Variants in HELZ observed in about 807,000 individuals in gnomAD.
HELZ encodes helicase with zinc finger.
In HELZ, 23 loss-of-function variants were observed where a neutral mutation model predicts 218.2. That is an observed-to-expected ratio of 0.11 (90% CI 0.08 to 0.15). The LOEUF (loss-of-function observed/expected upper bound fraction) is 0.15, where lower values mean the gene tolerates loss of function less well. Ranked by LOEUF, HELZ falls within the 10% of genes least tolerant of loss-of-function variation. HELZ has a pLI of 1.00. For synonymous variants in HELZ, 814 were observed against 829.4 expected, an observed-to-expected ratio of 0.98 and a Z score of 0.32; for missense variants, 1,813 against 2,353.7, an observed-to-expected ratio of 0.77 and a Z score of 4.75.
chr17:67,136,253 T>C (rs2038146121), intron 22 of HELZ, 55 bp from the exon 23 acceptor site: 5 of 1,156,502 alleles, frequency 4.3e-6, no homozygotes, highest in East Asian at 4.7e-5. Flanking sequence ...GAACCACTGA[T>C]ATAATAAAAG....
intron 23 of HELZ, among the ~76,000 whole-genome samples, chr17:67,131,727 T>C (rs937447218): frequency 6.6e-6 from 1 of 152,128 alleles, no homozygotes; most frequent in Non-Finnish European, 1.5e-5. Context: ...AGCACTACTA[T>C]TATTATTATT....
chr17:67,213,076 G>A (rs761779049), intron 5 of HELZ, among the ~76,000 whole-genome samples: 1 of 152,152 alleles, frequency 6.6e-6, no homozygotes, highest in Non-Finnish European at 1.5e-5. Context: ...TGCTCCTTCA[G>A]CATTTACTTT....
At chr17:67,245,315 T>A, upstream of HELZ, 1 of 790,324 alleles carries the variant, frequency 1.3e-6, no homozygotes, top group Non-Finnish European at 1.5e-6. Context: ...TTGCCCCGGG[T>A]GGACTGCCGA....
At chr17:67,242,525 CACACATATATGTATATATACACACATAT>C (rs2041349214) in intron 2 of HELZ, among the ~76,000 whole-genome samples, 1 of 1,476 alleles carries the variant, frequency 6.8e-4, no homozygotes, top group Non-Finnish European at 1.4e-3. Context: ...TGTATATATA[CACACATATATGTATATATACACACATAT>C]ATGTATATAT....
intron 17 of HELZ, among the ~76,000 whole-genome samples, chr17:67,159,904 A>C (rs1461142193): frequency 6.6e-6 from 1 of 152,168 alleles, no homozygotes; most frequent in Non-Finnish European, 1.5e-5. Context: ...TGCATGACTA[A>C]TCTGCCATGC....
chr17:67,221,894 G>A (rs1267975551), intron 3 of HELZ, among the ~76,000 whole-genome samples: 1 of 151,208 alleles, frequency 6.6e-6, no homozygotes, highest in East Asian at 1.9e-4. Context: ...CCCATGCTGG[G>A]AGTGTAGTCG....
chr17:67,169,656 T>C (rs1288568672), intron 13 of HELZ, among the ~76,000 whole-genome samples: 2 of 152,186 alleles, frequency 1.3e-5, no homozygotes, highest in South Asian at 2.1e-4. Flanking sequence ...TCCAAATGCA[T>C]GTTCTTCTCA....
chr17:67,138,298 T>G (rs932535431), intron 21 of HELZ, among the ~76,000 whole-genome samples, 184 bp from the exon 22 acceptor site: 1 of 152,036 alleles, frequency 6.6e-6, no homozygotes, highest in Non-Finnish European at 1.5e-5. Flanking sequence ...ATATAAATTT[T>G]TCATTTACAT....
chr17:67,112,442 C>A (rs1440682430), intron 28 of HELZ, among the ~76,000 whole-genome samples: 1 of 152,196 alleles, frequency 6.6e-6, no homozygotes, highest in Non-Finnish European at 1.5e-5. Context: ...TCCTGACATG[C>A]CACTCGTTCT....
intron 31 of HELZ, among the ~76,000 whole-genome samples, chr17:67,104,933 A>G (rs1053757593): frequency 6.6e-6 from 1 of 152,164 alleles, no homozygotes; most frequent in Non-Finnish European, 1.5e-5. Flanking sequence ...AGCCTGGCCA[A>G]TATCGTGAAA....
chr17:67,235,984 T>C (rs186541739), intron 3 of HELZ, among the ~76,000 whole-genome samples: 5 of 152,056 alleles, frequency 3.3e-5, no homozygotes, highest in South Asian at 2.1e-4. Context: ...ATGGTCTCGA[T>C]CTCCTGACCT....
intron 3 of HELZ, chr17:67,225,497 C>A (rs565495080): frequency 1.3e-5 from 2 of 153,426 alleles, no homozygotes; most frequent in Admixed American, 1.3e-4. Context: ...GAAATATCAC[C>A]TTTTAATTCT....
At chr17:67,160,141 C>T (rs1470710663) in intron 17 of HELZ, 120 bp downstream of exon 17, 1 of 650,444 alleles carries the variant, frequency 1.5e-6, no homozygotes, top group Non-Finnish European at 2.7e-6. Flanking sequence ...AAGACATAAC[C>T]TCTAAATGTC....
At chr17:67,238,793 C>T (rs750123294) in intron 3 of HELZ, among the ~76,000 whole-genome samples, 2 of 152,102 alleles carry the variant, frequency 1.3e-5, no homozygotes, top group African/African-American at 2.4e-5. Context: ...TAATGAAAGA[C>T]GAAGACACCA....
chr17:67,121,885 T>G (rs2037620908), intron 26 of HELZ, among the ~76,000 whole-genome samples: 1 of 152,212 alleles, frequency 6.6e-6, no homozygotes. Flanking sequence ...TCCAAGCCTG[T>G]GTCCTGTATT....
At chr17:67,204,776 C>A (rs550617805) in intron 5 of HELZ, among the ~76,000 whole-genome samples, 3 of 152,016 alleles carry the variant, frequency 2.0e-5, no homozygotes, top group African/African-American at 7.3e-5. Context: ...TCAACAGTCA[C>A]TAGATAATTC....
Position 67,200,954 on chromosome 17 carries a change from A to T in HELZ, c.429+175T>A, listed in dbSNP as rs2040152860. On this transcript the variant is annotated intron_variant, in intron 7 of 32. Transcript: ENST00000358691. ...AGACATGTGGAGAAGCAGCATTCCC[A>T]CGATGGGACTGTGGGTTATGGGGGT... 4 of 602,874 alleles carry T rather than the reference A, an allele frequency of 6.6e-6. No homozygotes were observed. In the East Asian group the frequency reaches 1.1e-4, roughly 16 times the overall value. The allele number at this position is 602,874 out of a possible 1,614,324, so 37.3% of individuals were successfully genotyped here. A position where few individuals can be genotyped will look rare whatever the true frequency, so the allele number is the denominator to read the frequency against.
At chr17:67,164,515 C>G (rs1485484253) in intron 15 of HELZ, among the ~76,000 whole-genome samples, 1 of 152,078 alleles carries the variant, frequency 6.6e-6, no homozygotes, top group Non-Finnish European at 1.5e-5. Flanking sequence ...CGAAAAAGTT[C>G]TGGAGATTGC....
At chr17:67,105,692 A>T (rs2037079437) in intron 31 of HELZ, among the ~76,000 whole-genome samples, 1 of 152,244 alleles carries the variant, frequency 6.6e-6, no homozygotes, top group East Asian at 1.9e-4. Flanking sequence ...ACTGTTCATT[A>T]TAATCTGAAA....
Sources: allele counts gnomAD v4.1 joint callset (sites outside exome capture counted in the v4.1 genomes callset), GRCh38; gene constraint gnomAD v4.1.1; transcripts MANE v1.5; gene names NCBI Gene and HGNC (gene_info 2026-07-23, HGNC 2026-07-21).